PRKCE: variants seen among roughly 807,000 people sequenced by gnomAD.
PRKCE encodes the protein protein kinase C epsilon type.
In PRKCE, 16 loss-of-function variants were observed where a neutral mutation model predicts 85.4. That is an observed-to-expected ratio of 0.19 (90% CI 0.13 to 0.28). The LOEUF is 0.28. Among genes scored for constraint, PRKCE ranks in the 10% least tolerant of loss-of-function variants. The pLI, the probability that PRKCE is intolerant of heterozygous loss-of-function variation, is 1.00. For missense variants in PRKCE, 573 were observed against 975.2 expected (o/e 0.59, Z 5.49); for synonymous variants, 388 against 371.5 (o/e 1.04, Z -0.51).
At chr2:45,743,992 G>GTTTT in intron 1 of PRKCE, among the ~76,000 whole-genome samples, 1 of 70,268 alleles carries the variant, frequency 1.4e-5, no homozygotes, top group African/African-American at 3.2e-5. Context: ...TGGCCGTTGT[G>GTTTT]TGTTTTTTTT....
intron 1 of PRKCE, among the ~76,000 whole-genome samples, chr2:45,657,761 A>C (rs1268514732): frequency 2.6e-5 from 4 of 152,194 alleles, no homozygotes; most frequent in Non-Finnish European, 5.9e-5. Flanking sequence ...TCTGGGAGAT[A>C]GGCCTATACC....
intron 2 of PRKCE, among the ~76,000 whole-genome samples, chr2:45,896,217 T>A (rs1696130279): frequency 6.6e-6 from 1 of 152,144 alleles, no homozygotes. Context: ...AGGGAAGAAA[T>A]TTGAAAGGCA....
Position 45,774,699 on chromosome 2 carries a change from C to T in PRKCE, c.349-68301C>T, listed in dbSNP as rs1685612829. On this transcript the variant is annotated intron_variant, in intron 1 of 14. Coordinates refer to ENST00000306156, the MANE Select transcript of PRKCE (RefSeq NM_005400.3). The surrounding 1 kb of genome is among the most constrained non-coding windows in gnomAD (Gnocchi z 4.3). The stretch of plus-strand genomic sequence containing the variant: ...GTCTGTGAGACTACCTGATTTCCCA[C>T]CTTGCCTTCTGATAGATGAATCAAG... 6.6e-6 allele frequency among the ~76,000 whole-genome samples: 1 copy of T among 152,120 alleles called. No individual in the cohort carries two copies. The highest frequency in any genetic ancestry group is 1.5e-5 in the Non-Finnish European group (1 of 68,024).
At chr2:45,816,630 C>T (rs1324207987) in intron 1 of PRKCE, among the ~76,000 whole-genome samples, 1 of 152,152 alleles carries the variant, frequency 6.6e-6, no homozygotes, top group Non-Finnish European at 1.5e-5. Context: ...ATCATTATGC[C>T]AGGGCTTTGT....
intron 1 of PRKCE, among the ~76,000 whole-genome samples, chr2:45,782,901 C>T (rs1686307685): frequency 6.6e-6 from 1 of 152,216 alleles, no homozygotes; most frequent in Admixed American, 6.5e-5. Flanking sequence ...AGAAAGCAAA[C>T]TGGGTTGGAG....
chr2:46,043,136 G>C (rs1708312995), intron 10 of PRKCE, among the ~76,000 whole-genome samples: 1 of 151,322 alleles, frequency 6.6e-6, no homozygotes, highest in African/African-American at 2.4e-5. Context: ...TGTAAATATG[G>C]GATTATTACC....
At chr2:45,962,487 C>G (rs1201133126) in intron 2 of PRKCE, among the ~76,000 whole-genome samples, 2 of 152,224 alleles carry the variant, frequency 1.3e-5, no homozygotes, top group Admixed American at 6.5e-5. Context: ...CCACCACCCC[C>G]CTTCCTTTTT....
chr2:46,162,376 G>C (rs1677865072), intron 14 of PRKCE, among the ~76,000 whole-genome samples: 5 of 152,186 alleles, frequency 3.3e-5, no homozygotes, highest in Admixed American at 3.3e-4. Flanking sequence ...GGATGGCAAA[G>C]AGAAAGGATG....
chr2:46,140,732 T>C (rs112681365), intron 11 of PRKCE, among the ~76,000 whole-genome samples: 2 of 152,012 alleles, frequency 1.3e-5, no homozygotes, highest in African/African-American at 2.4e-5. Flanking sequence ...ATGCCAAAAG[T>C]CAAACAAAAA....
intron 6 of PRKCE, chr2:46,000,760 TAC>T (rs1220392019): frequency 2.6e-5 from 4 of 152,232 alleles, no homozygotes; most frequent in East Asian, 1.9e-4. Flanking sequence ...TGGTTACAGT[TAC>T]AGTTTTTCTA....
intron 7 of PRKCE, among the ~76,000 whole-genome samples, chr2:46,003,175 G>A (rs1368095423): frequency 6.6e-6 from 1 of 152,234 alleles, no homozygotes; most frequent in Non-Finnish European, 1.5e-5. Flanking sequence ...TGGGAGAGGA[G>A]TGCCCTTGGT....
At chr2:45,928,433 A>C (rs1350636171) in intron 2 of PRKCE, among the ~76,000 whole-genome samples, 1 of 151,924 alleles carries the variant, frequency 6.6e-6, no homozygotes, top group East Asian at 1.9e-4. Context: ...ATGCCCAGCT[A>C]ATTTTTTGTA....
In PRKCE at chr2:46,098,092, A is replaced by G. The variant is rs1279517816; in HGVS notation, c.1592+11730A>G. Among the ~76,000 whole-genome samples, 3 of 152,210 alleles carry G rather than the reference A, an allele frequency of 2.0e-5. No individual in the cohort carries two copies. The East Asian group carries it at 5.8e-4, about 29-fold the overall frequency. On this transcript the variant is annotated intron_variant, in intron 11 of 14. Coordinates refer to ENST00000306156, the MANE Select transcript of PRKCE (RefSeq NM_005400.3). ...CTGATTAAATTTGAGTGTTTCAGCTAGTAATGTGTGTTCAGAGCAAAAATT... is the reference window on the plus strand; with the variant it reads ...CTGATTAAATTTGAGTGTTTCAGCTGGTAATGTGTGTTCAGAGCAAAAATT...
At chr2:45,775,023 G>A (rs73926078) in intron 1 of PRKCE, among the ~76,000 whole-genome samples, 24 of 152,276 alleles carry the variant, frequency 1.6e-4, no homozygotes, top group African/African-American at 5.5e-4. Flanking sequence ...CTGCCTTCTG[G>A]ATGATCTCCT....
intron 12 of PRKCE, among the ~76,000 whole-genome samples, chr2:46,146,920 AG>A (rs1676121626): frequency 6.6e-6 from 1 of 152,196 alleles, no homozygotes; most frequent in Admixed American, 6.5e-5. Flanking sequence ...TTGATCCTGT[AG>A]GATCTGTGGA....
At chr2:45,684,160 C>A (rs1677109388) in intron 1 of PRKCE, among the ~76,000 whole-genome samples, 1 of 152,200 alleles carries the variant, frequency 6.6e-6, no homozygotes, top group Non-Finnish European at 1.5e-5. Context: ...CTCTCTACCT[C>A]ATTGAAACCT....
chr2:46,032,219 G>T (rs562880968), intron 10 of PRKCE, among the ~76,000 whole-genome samples: 1 of 151,582 alleles, frequency 6.6e-6, no homozygotes, highest in East Asian at 1.9e-4. Context: ...TTTGCGACAG[G>T]CAGGGTCCTG....
At chr2:45,782,707 A>G (rs1686285309) in intron 1 of PRKCE, among the ~76,000 whole-genome samples, 1 of 152,094 alleles carries the variant, frequency 6.6e-6, no homozygotes. Context: ...AACTGAGTTG[A>G]GATAATCAAC....
chr2:45,769,321 A>G (rs1207467087), intron 1 of PRKCE, among the ~76,000 whole-genome samples: 2 of 151,394 alleles, frequency 1.3e-5, no homozygotes, highest in Non-Finnish European at 2.9e-5. Flanking sequence ...CTTAGTTGCC[A>G]TTTTTTCTTA....
Sources: gnomAD v4.1 joint callset for allele counts (sites outside exome capture counted in the v4.1 genomes callset) on GRCh38, gnomAD v4.1.1 for gene constraint, Gnocchi (gnomAD v3.1) non-coding constraint, MANE v1.5 for transcripts, NCBI Gene and HGNC (gene_info 2026-07-23, HGNC 2026-07-21) for gene names.